The following STAU2 variants were observed in gnomAD, a reference collection of about 807,000 sequenced individuals.
STAU2 encodes the protein staufen double-stranded RNA binding protein 2, also known as double-stranded RNA-binding protein Staufen homolog 2.
In STAU2, 20 loss-of-function variants were observed where a neutral mutation model predicts 65.9. The observed-to-expected ratio is 0.30, with a 90% CI of 0.21 to 0.44. STAU2 has a LOEUF of 0.44. Among genes scored for constraint, STAU2 ranks in the 20% least tolerant of loss-of-function variants. STAU2 has a pLI of 1.00. For synonymous variants in STAU2, 232 were observed against 233.9 expected (o/e 0.99, Z 0.07); for missense variants, 558 against 683.9 (o/e 0.82, Z 2.05).
intron 13 of STAU2, chr8:73,550,123 C>A (rs750656008): frequency 1.2e-5 from 12 of 985,176 alleles, no homozygotes; most frequent in Non-Finnish European, 1.4e-5. Flanking sequence ...TACATCAATA[C>A]CAGCTCATTC....
intron 13 of STAU2, among the ~76,000 whole-genome samples, chr8:73,532,447 G>A (rs757517943): frequency 3.4e-4 from 51 of 152,058 alleles, no homozygotes; most frequent in Non-Finnish European, 6.6e-4. Flanking sequence ...CAGTGCTTTC[G>A]GAGGCCAACA....
At chr8:73,515,598 C>A (rs999938423) in intron 13 of STAU2, among the ~76,000 whole-genome samples, 3 of 151,900 alleles carry the variant, frequency 2.0e-5, no homozygotes, top group Admixed American at 2.0e-4. Context: ...ACAGTGGAGA[C>A]CCTAGGTAAG....
chr8:73,743,725 C>T (rs1473329718), intron 1 of STAU2, among the ~76,000 whole-genome samples: 1 of 150,954 alleles, frequency 6.6e-6, no homozygotes, highest in Non-Finnish European at 1.5e-5. Context: ...TCACCCACCT[C>T]GGCCTCCCAA....
intron 12 of STAU2, among the ~76,000 whole-genome samples, chr8:73,569,931 G>C (rs1378156745): frequency 6.6e-6 from 1 of 152,178 alleles, no homozygotes; most frequent in Admixed American, 6.5e-5. Flanking sequence ...ACAGCTCCTC[G>C]CCAGCAACGG....
chr8:73,686,499 G>A (rs186391846), intron 5 of STAU2, among the ~76,000 whole-genome samples: 9 of 151,018 alleles, frequency 6.0e-5, no homozygotes, highest in East Asian at 3.9e-4. Flanking sequence ...ACAGTGAGCC[G>A]AGATTGCACC....
At chr8:73,715,440 A>G in intron 3 of STAU2, among the ~76,000 whole-genome samples, 1 of 133,832 alleles carries the variant, frequency 7.5e-6, no homozygotes, top group Non-Finnish European at 1.6e-5. Context: ...TGGGCAACAG[A>G]GTGAGACTGT....
chr8:73,544,361 T>C (rs568254175), intron 13 of STAU2, among the ~76,000 whole-genome samples: 2 of 152,364 alleles, frequency 1.3e-5, no homozygotes, highest in African/African-American at 4.8e-5. Context: ...TCTTGTACAC[T>C]GCTGACAGAA....
intron 13 of STAU2, among the ~76,000 whole-genome samples, chr8:73,430,501 C>T (rs1817188173): frequency 1.3e-5 from 2 of 152,164 alleles, no homozygotes; most frequent in Admixed American, 1.3e-4. Context: ...TTAAAGAACG[C>T]TATGGAAAGA....
At chr8:73,453,229 A>G (rs1287940003) in intron 13 of STAU2, among the ~76,000 whole-genome samples, 1 of 152,238 alleles carries the variant, frequency 6.6e-6, no homozygotes, top group Admixed American at 6.5e-5. Context: ...GAAACAAACA[A>G]AAGAAACACC....
At chr8:73,439,634 C>G (rs1169407478) in intron 13 of STAU2, among the ~76,000 whole-genome samples, 1 of 152,168 alleles carries the variant, frequency 6.6e-6, no homozygotes, top group Admixed American at 6.5e-5. Flanking sequence ...CAACTCTTAC[C>G]GGTCATATGA....
At chr8:73,521,934 T>C (rs1338345832) in intron 13 of STAU2, among the ~76,000 whole-genome samples, 1 of 152,250 alleles carries the variant, frequency 6.6e-6, no homozygotes, top group Non-Finnish European at 1.5e-5. Flanking sequence ...AATATACATA[T>C]GTTAAACTTC....
intron 13 of STAU2, among the ~76,000 whole-genome samples, chr8:73,519,926 T>C (rs1245611848): frequency 2.6e-5 from 4 of 152,180 alleles, no homozygotes; most frequent in Non-Finnish European, 4.4e-5. Flanking sequence ...AAAGTACAGA[T>C]AGAGCTCAAA....
At chr8:73,567,554 CTTTT>C (rs796990881) in intron 12 of STAU2, among the ~76,000 whole-genome samples, 2 of 144,452 alleles carry the variant, frequency 1.4e-5, no homozygotes, top group Admixed American at 7.0e-5. Flanking sequence ...GTCTCTCTCT[CTTTT>C]TTTTTTTTAA....
chr8:73,585,266 A>T (rs1810280403), intron 11 of STAU2, among the ~76,000 whole-genome samples: 1 of 152,210 alleles, frequency 6.6e-6, no homozygotes, highest in African/African-American at 2.4e-5. Flanking sequence ...GGCTCACCTG[A>T]GGTCGGGAGT....
intron 13 of STAU2, among the ~76,000 whole-genome samples, chr8:73,480,305 C>T (rs1820543152): frequency 6.6e-6 from 1 of 152,036 alleles, no homozygotes; most frequent in South Asian, 2.1e-4. Context: ...CCTATGTATC[C>T]AATGTATAAT....
intron 3 of STAU2, among the ~76,000 whole-genome samples, chr8:73,714,367 C>A (rs1023752425): frequency 6.6e-6 from 1 of 152,132 alleles, no homozygotes; most frequent in Non-Finnish European, 1.5e-5. Context: ...ACAGATATGT[C>A]CCCAGCTATT....
rs1286097334 is a variant in STAU2 at position 73,687,303 on chromosome 8, TAAATATA to T, written c.274+1344_274+1350del. On this transcript the variant is annotated intron_variant, in intron 5 of 14. Transcript: ENST00000524300. Reference sequence around the variant, plus strand: ...TTATAAAAATTTATATTTATATTTATAAATATAATTTATATTTATATTTATAAATATA... The same window carrying T: ...TTATAAAAATTTATATTTATATTTATATTTATATTTATATTTATAAATATA... Among the ~76,000 whole-genome samples the T allele has an allele frequency of 4.7e-5, 6 of 128,492 alleles. No homozygotes were observed. In the South Asian group the frequency reaches 6.6e-4, roughly 14 times the overall value. The allele number at this position is 128,492 out of a possible 152,430, so 84.3% of individuals were successfully genotyped here.
chr8:73,527,162 T>C (rs1232676497), intron 13 of STAU2, among the ~76,000 whole-genome samples: 1 of 152,248 alleles, frequency 6.6e-6, no homozygotes, highest in Non-Finnish European at 1.5e-5. Context: ...CAGGAGGCTC[T>C]ACCACATAGC....
chr8:73,436,952 T>A (rs1422626614), intron 13 of STAU2, among the ~76,000 whole-genome samples: 1 of 152,126 alleles, frequency 6.6e-6, no homozygotes. Flanking sequence ...AAATCAAATA[T>A]CAGGTAAAGA....
Sources: gnomAD v4.1 joint callset for allele counts (sites outside exome capture counted in the v4.1 genomes callset) on GRCh38, gnomAD v4.1.1 for gene constraint, MANE v1.5 for transcripts, NCBI Gene and HGNC (gene_info 2026-07-23, HGNC 2026-07-21) for gene names.